Variants in DLG2 observed in about 807,000 individuals in gnomAD.
DLG2 encodes the protein disks large homolog 2.
DLG2 carries 45 observed loss-of-function variants against 132.5 expected under a neutral mutation model. That is an observed-to-expected ratio of 0.34 (90% CI 0.27 to 0.44). The LOEUF is 0.44. Among genes scored for constraint, DLG2 ranks in the 20% least tolerant of loss-of-function variants. The pLI is 1.00. For synonymous variants in DLG2, 424 were observed against 419.6 expected (o/e 1.01, Z -0.13); for missense variants, 1,045 against 1,196.9 (o/e 0.87, Z 1.87).
At chr11:85,228,305 A>G (rs2075094454) in intron 4 of DLG2, among the ~76,000 whole-genome samples, 1 of 152,068 alleles carries the variant, frequency 6.6e-6, no homozygotes, top group South Asian at 2.1e-4. Context: ...TGCCTACAAG[A>G]GAAATAGGAA....
intron 3 of DLG2, among the ~76,000 whole-genome samples, chr11:85,336,997 A>G (rs541525758): frequency 6.6e-6 from 1 of 152,324 alleles, no homozygotes; most frequent in Non-Finnish European, 1.5e-5. Flanking sequence ...CACAAAAACT[A>G]TTATTCACAT....
chr11:84,267,773 T>C (rs1175603151), intron 7 of DLG2, among the ~76,000 whole-genome samples: 1 of 152,226 alleles, frequency 6.6e-6, no homozygotes, highest in Non-Finnish European at 1.5e-5. Flanking sequence ...TTCATTCTTT[T>C]ACATTTCTGC....
chr11:84,013,660 A>G (rs2095011454), intron 11 of DLG2, among the ~76,000 whole-genome samples: 1 of 151,916 alleles, frequency 6.6e-6, no homozygotes, highest in Admixed American at 6.6e-5. Flanking sequence ...TGAGGTCAGA[A>G]GTTCGAGATC....
chr11:85,032,073 G>C (rs1407774498), intron 6 of DLG2, among the ~76,000 whole-genome samples: 2 of 151,146 alleles, frequency 1.3e-5, no homozygotes, highest in Non-Finnish European at 2.9e-5. Context: ...AAAGTGCTGG[G>C]ATTATAGGCA....
intron 6 of DLG2, among the ~76,000 whole-genome samples, chr11:84,583,957 T>G (rs942419306): frequency 1.3e-5 from 2 of 152,200 alleles, no homozygotes; most frequent in African/African-American, 4.8e-5. Flanking sequence ...ATTCTCCTGT[T>G]GATATAAATT....
chr11:84,294,369 C>T (rs543320514), intron 7 of DLG2, among the ~76,000 whole-genome samples: 5 of 152,162 alleles, frequency 3.3e-5, no homozygotes, highest in East Asian at 1.9e-4. Context: ...GAGGCCAAGG[C>T]GGTGGATCAT....
rs191630749 is a variant in DLG2, at chr11:85,294,395, T to C, written c.41-9030A>G. ...AAGAGACTCGAAGAGGAATGAAGTA[T>C]ACAGTGCAGAATGGCATGGAAGAGG... On this transcript the variant is annotated intron_variant, in intron 3 of 27. Coordinates refer to ENST00000376104, the MANE Select transcript of DLG2 (RefSeq NM_001142699.3). 1.4e-4 allele frequency among the ~76,000 whole-genome samples: 21 copies of C among 151,732 alleles called. 1 individual carries two copies. Among genetic ancestry groups the C allele is most frequent in the African/African-American group, 4.1e-4 (17 of 41,416 alleles).
At chr11:84,999,138 C>T (rs1024959758) in intron 6 of DLG2, among the ~76,000 whole-genome samples, 3 of 151,992 alleles carry the variant, frequency 2.0e-5, no homozygotes. Context: ...TATCTGACCA[C>T]TCTTGGATGA....
chr11:85,582,237 A>ATT (rs1052246556), intron 3 of DLG2, among the ~76,000 whole-genome samples: 18 of 152,174 alleles, frequency 1.2e-4, no homozygotes, highest in African/African-American at 4.3e-4. Flanking sequence ...AGAGCCAATG[A>ATT]TTTAGTAGTA....
intron 6 of DLG2, among the ~76,000 whole-genome samples, chr11:84,781,665 G>C (rs374310371): frequency 5.9e-5 from 9 of 152,094 alleles, no homozygotes; most frequent in African/African-American, 1.9e-4. Context: ...ATTGAAGACT[G>C]AGACCCTCTG....
In DLG2 at chr11:84,577,214, G is replaced by A. The variant is rs145717538; in HGVS notation, c.358-42483C>T. Among the ~76,000 whole-genome samples the A allele has an allele frequency of 5.7e-3, 865 of 152,288 alleles. 8 individuals are homozygous for A. The highest frequency in any genetic ancestry group is 0.02 in the African/African-American group (838 of 41,548). On this transcript the variant is annotated intron_variant, in intron 6 of 27. Coordinates refer to ENST00000376104, the MANE Select transcript of DLG2 (RefSeq NM_001142699.3). The stretch of plus-strand genomic sequence containing the variant: ...TCTTTTTGTTCCCAGTTTGGGGTAT[G>A]TCTTTATCAAAAGTGTGAAAATGAA...
At chr11:84,216,267 A>G (rs976908274) in intron 8 of DLG2, among the ~76,000 whole-genome samples, 6 of 152,136 alleles carry the variant, frequency 3.9e-5, no homozygotes, top group Non-Finnish European at 5.9e-5. Flanking sequence ...TTTAAGGCTC[A>G]TGTAATTACA....
chr11:84,646,227 C>T (rs995218953), intron 6 of DLG2, among the ~76,000 whole-genome samples: 1 of 152,040 alleles, frequency 6.6e-6, no homozygotes, highest in Non-Finnish European at 1.5e-5. Context: ...GAAAATAATC[C>T]CTTTCCCATA....
In DLG2 at chr11:84,646,541, C is replaced by T. The variant is rs548464136; in HGVS notation, c.358-111810G>A. Among the ~76,000 whole-genome samples, 19 of 151,902 alleles carry T rather than the reference C, an allele frequency of 1.3e-4. No individual in the cohort carries two copies. In the South Asian group the frequency reaches 3.1e-3, roughly 25 times the overall value. ...GACTTCTCATCACCCAGAAGACAGG[C>T]GCAGTATGAATTACTTGGATGTTTC... On this transcript the variant is annotated intron_variant, in intron 6 of 27. Coordinates refer to ENST00000376104, the MANE Select transcript of DLG2 (RefSeq NM_001142699.3).
chr11:83,573,369 T>C (rs1167816313), intron 19 of DLG2, among the ~76,000 whole-genome samples: 1 of 152,154 alleles, frequency 6.6e-6, no homozygotes, highest in Non-Finnish European at 1.5e-5. Context: ...ATAAGTGTCT[T>C]AGTACTGAGT....
chr11:83,535,897 T>A (rs1592687931), intron 20 of DLG2, among the ~76,000 whole-genome samples: 2 of 152,162 alleles, frequency 1.3e-5, no homozygotes, highest in African/African-American at 4.8e-5. Flanking sequence ...CTGAAGAAAC[T>A]GAGACTTGAA....
At chr11:84,201,824 T>G (rs1288214490) in intron 8 of DLG2, among the ~76,000 whole-genome samples, 1 of 122,962 alleles carries the variant, frequency 8.1e-6, no homozygotes, top group Non-Finnish European at 1.7e-5. Context: ...TTTTTTTTTT[T>G]TTTTTTTTTT....
intron 7 of DLG2, among the ~76,000 whole-genome samples, chr11:84,323,720 C>CTTTTT (rs35283044): frequency 1.6e-5 from 2 of 123,788 alleles, no homozygotes; most frequent in Non-Finnish European, 3.4e-5. Flanking sequence ...TTCTTTTTTC[C>CTTTTT]TTTTTTTTTT....
chr11:84,034,021 C>T (rs773122638), intron 11 of DLG2, among the ~76,000 whole-genome samples: 12 of 152,112 alleles, frequency 7.9e-5, no homozygotes, highest in Admixed American at 5.2e-4. Context: ...GCGGAGGTTG[C>T]GGTGAGCCAA....
Sources: allele counts gnomAD v4.1 joint callset (sites outside exome capture counted in the v4.1 genomes callset), GRCh38; gene constraint gnomAD v4.1.1; transcripts MANE v1.5; gene names NCBI Gene and HGNC (gene_info 2026-07-23, HGNC 2026-07-21).